The following TANGO6 variants were observed in gnomAD, a reference collection of about 807,000 sequenced individuals.
The protein encoded by TANGO6 is transport and Golgi organization protein 6 homolog.
Under a neutral mutation model 114.2 loss-of-function variants are expected in TANGO6, and 90 were observed. The observed-to-expected ratio is 0.79, with a 90% confidence interval of 0.66 to 0.94. The LOEUF is 0.94. Ranked by LOEUF, TANGO6 falls within the 40% of genes least tolerant of loss-of-function variation. The pLI is 0.00. For synonymous variants in TANGO6, 477 were observed against 509.8 expected, an observed-to-expected ratio of 0.94 and a Z score of 0.87; for missense variants, 1,274 against 1,315.3, an observed-to-expected ratio of 0.97 and a Z score of 0.49.
intron 15 of TANGO6, among the ~76,000 whole-genome samples, chr16:68,980,435 A>ATATATATATTTTTTTTT (rs1317961639): frequency 1.6e-5 from 1 of 61,812 alleles, no homozygotes; most frequent in Non-Finnish European, 2.9e-5. Flanking sequence ...ATATATATAT[A>ATATATATATTTTTTTTT]TTTTTTTTTT....
At chr16:68,984,576 A>T (rs1055119957) in intron 15 of TANGO6, among the ~76,000 whole-genome samples, 2 of 151,956 alleles carry the variant, frequency 1.3e-5, no homozygotes, top group Non-Finnish European at 2.9e-5. Flanking sequence ...GCTAGAGTGC[A>T]GTGGTGCCAT....
chr16:69,014,895 CAAAAAA>C (rs201424773), intron 15 of TANGO6, among the ~76,000 whole-genome samples: 1 of 97,264 alleles, frequency 1.0e-5, no homozygotes, highest in African/African-American at 3.8e-5. Flanking sequence ...GACCTTGTCT[CAAAAAA>C]AAAAAAAAAA....
At chr16:69,081,031 G>A (rs1047113394) in intron 17 of TANGO6, among the ~76,000 whole-genome samples, 13 of 152,178 alleles carry the variant, frequency 8.5e-5, no homozygotes, top group Non-Finnish European at 1.2e-4. Context: ...CCAGCTACTC[G>A]GGAGGCTAAG....
At chr16:68,850,152 T>C (rs1372730677) in intron 1 of TANGO6, among the ~76,000 whole-genome samples, 1 of 151,996 alleles carries the variant, frequency 6.6e-6, no homozygotes, top group Non-Finnish European at 1.5e-5. Context: ...TTTTGTATTT[T>C]TGGTAGAGAT....
rs115665493 is a variant in TANGO6 at position 68,867,019 on chromosome 16, G to A, written c.853-60G>A. On this transcript the variant is annotated intron_variant, in intron 3 of 17. Transcript: ENST00000261778. ...TTTTTTTACAGGCATGAGCCACTAC[G>A]CCCGGCCATCATATCTATTTCAGTG... The A allele has an allele frequency of 8.6e-4, 328 of 383,192 alleles. 1 individual carries two copies. The highest frequency in any genetic ancestry group is 7.9e-3 in the African/African-American group (281 of 35,514). The allele number at this position is 383,192 out of a possible 1,614,324, so 23.7% of individuals were successfully genotyped here.
At chr16:68,978,080 C>T (rs1266014510) in intron 15 of TANGO6, among the ~76,000 whole-genome samples, 1 of 152,144 alleles carries the variant, frequency 6.6e-6, no homozygotes, top group Non-Finnish European at 1.5e-5. Flanking sequence ...ACATGCCAGA[C>T]AAGTACACCA....
intron 14 of TANGO6, among the ~76,000 whole-genome samples, chr16:68,944,974 C>A (rs1464925930): frequency 6.6e-6 from 1 of 152,056 alleles, no homozygotes; most frequent in African/African-American, 2.4e-5. Flanking sequence ...TGGTGAAAAC[C>A]CATGTCTACT....
At chr16:68,905,461 A>G (rs553849418) in intron 9 of TANGO6, among the ~76,000 whole-genome samples, 236 of 149,682 alleles carry the variant, frequency 1.6e-3, no homozygotes, top group African/African-American at 5.5e-3. Context: ...ACTTGAACCC[A>G]GGAGGTGGAG....
intron 15 of TANGO6, among the ~76,000 whole-genome samples, chr16:68,985,579 G>A (rs961512841): frequency 1.3e-5 from 2 of 152,036 alleles, no homozygotes; most frequent in Non-Finnish European, 1.5e-5. Flanking sequence ...GGGGTGTGGT[G>A]GCAGGCACCT....
At chr16:69,016,342 G>A (rs954353427) in intron 15 of TANGO6, among the ~76,000 whole-genome samples, 48 of 151,754 alleles carry the variant, frequency 3.2e-4, no homozygotes, top group Non-Finnish European at 6.2e-4. Flanking sequence ...AGGTTGCGGT[G>A]AGCCGAGATT....
At chr16:69,017,050 A>G (rs1330794266) in intron 15 of TANGO6, among the ~76,000 whole-genome samples, 2 of 152,230 alleles carry the variant, frequency 1.3e-5, no homozygotes, top group Non-Finnish European at 2.9e-5. Context: ...AGACTGAATA[A>G]TAAGTGAACT....
intron 4 of TANGO6, 122 bp downstream of exon 4, chr16:68,867,342 C>A (rs1203270890): frequency 1.5e-6 from 2 of 1,308,448 alleles, no homozygotes; most frequent in Non-Finnish European, 2.1e-6. Flanking sequence ...TCCATCCTTG[C>A]AGGGATTGAA....
At chr16:68,980,435 A>ATATATATATATTTTTTT (rs1317961639) in intron 15 of TANGO6, among the ~76,000 whole-genome samples, 1 of 61,812 alleles carries the variant, frequency 1.6e-5, no homozygotes, top group Non-Finnish European at 2.9e-5. Context: ...ATATATATAT[A>ATATATATATATTTTTTT]TTTTTTTTTT....
intron 7 of TANGO6, among the ~76,000 whole-genome samples, chr16:68,892,682 T>G (rs1962642175): frequency 6.6e-6 from 1 of 151,982 alleles, no homozygotes; most frequent in Admixed American, 6.6e-5. Flanking sequence ...ATCCAGCTAA[T>G]TTTTTGTATT....
intron 7 of TANGO6, among the ~76,000 whole-genome samples, chr16:68,890,859 ACC>A: frequency 6.6e-6 from 1 of 151,968 alleles, no homozygotes; most frequent in African/African-American, 2.4e-5. Context: ...CATCTCTACT[ACC>A]AAAAAAATAA....
chr16:68,949,134 C>T (rs1379695842), intron 14 of TANGO6, among the ~76,000 whole-genome samples: 1 of 152,002 alleles, frequency 6.6e-6, no homozygotes, highest in Non-Finnish European at 1.5e-5. Flanking sequence ...TGCGGTAAGC[C>T]GAGATCGCGC....
chr16:68,944,899 G>A (rs191185906), intron 14 of TANGO6, among the ~76,000 whole-genome samples: 69 of 152,272 alleles, frequency 4.5e-4, no homozygotes, highest in Non-Finnish European at 6.8e-4. Flanking sequence ...GGCCGGGCAC[G>A]GTGGCTCACG....
At chr16:68,921,778 T>C (rs551798127) in intron 12 of TANGO6, among the ~76,000 whole-genome samples, 108 of 152,244 alleles carry the variant, frequency 7.1e-4, no homozygotes, top group Non-Finnish European at 1.4e-3. Context: ...ACCTGACTGA[T>C]ATCAAGGTTA....
intron 14 of TANGO6, among the ~76,000 whole-genome samples, chr16:68,935,488 C>T (rs1963290738): frequency 6.6e-6 from 1 of 152,102 alleles, no homozygotes; most frequent in African/African-American, 2.4e-5. Flanking sequence ...TATTATCTAT[C>T]ACAGCAATCT....
Sources: allele counts gnomAD v4.1 joint callset (sites outside exome capture counted in the v4.1 genomes callset), GRCh38; gene constraint gnomAD v4.1.1; transcripts MANE v1.5; gene names NCBI Gene and HGNC (gene_info 2026-07-23, HGNC 2026-07-21).